Variants in PRKX observed in about 807,000 individuals in gnomAD.
The protein encoded by PRKX is protein kinase cAMP-dependent X-linked catalytic subunit.
A neutral mutation model predicts 22.0 loss-of-function variants in PRKX; 12 were observed. The observed-to-expected ratio is 0.54, with a 90% CI of 0.35 to 0.88. The LOEUF (loss-of-function observed/expected upper bound fraction) is 0.88, where lower values mean the gene tolerates loss of function less well. Ranked by LOEUF, PRKX falls within the 40% of genes least tolerant of loss-of-function variation. The pLI, the probability that PRKX is intolerant of heterozygous loss-of-function variation, is 0.01. For missense variants in PRKX, 217 were observed against 308.0 expected (o/e 0.70, Z 2.21); for synonymous variants, 134 against 137.7 (o/e 0.97, Z 0.19).
At chrX:3,699,225 C>T (rs1603474813) in intron 1 of PRKX, among the ~76,000 whole-genome samples, 3 of 109,074 alleles carry the variant, frequency 2.8e-5, no homozygotes, top group South Asian at 4.0e-4. Context: ...TTAGGAGAGA[C>T]GGGGTTTCAC....
intron 7 of PRKX, among the ~76,000 whole-genome samples, chrX:3,612,791 T>A (rs1007768847): frequency 1.8e-5 from 2 of 110,042 alleles, no homozygotes; most frequent in Admixed American, 2.0e-4. Context: ...TGTCTCAAAA[T>A]ATATATATAT....
At chrX:3,640,219 G>C (rs777049565) in intron 4 of PRKX, among the ~76,000 whole-genome samples, 1 of 109,818 alleles carries the variant, frequency 9.1e-6, no homozygotes, top group Admixed American at 9.8e-5. Context: ...AGGAGGCAGA[G>C]TGTCGGCTGT....
At chrX:3,609,705 CTCGGCCTCCCAAA>C (rs1180833702) in intron 8 of PRKX, among the ~76,000 whole-genome samples, 1 of 111,608 alleles carries the variant, frequency 9.0e-6, no homozygotes, top group Non-Finnish European at 1.9e-5. Flanking sequence ...AGCCTCCCAA[CTCGGCCTCCCAAA>C]GTGCCGGGAT....
intron 1 of PRKX, among the ~76,000 whole-genome samples, chrX:3,691,256 T>C (rs1304261132): frequency 1.8e-5 from 2 of 111,347 alleles, no homozygotes; most frequent in Non-Finnish European, 3.8e-5. Context: ...TTCTTGGGAA[T>C]ACATACTTTT....
At chrX:3,642,199 C>G (rs1054444932) in intron 3 of PRKX, among the ~76,000 whole-genome samples, 9 of 111,125 alleles carry the variant, frequency 8.1e-5, no homozygotes, top group African/African-American at 2.3e-4. Flanking sequence ...GTTTTATCAT[C>G]CTTGCTCCTG....
At chrX:3,673,613 C>T (rs1442860450) in intron 2 of PRKX, among the ~76,000 whole-genome samples, 1 of 110,478 alleles carries the variant, frequency 9.1e-6, no homozygotes, top group Non-Finnish European at 1.9e-5. Flanking sequence ...ACAGGAGAGG[C>T]ATGGTAGCAA....
rs374780885 is a variant in PRKX, at chrX:3,694,129, G to A, written c.166+18959C>T. ...CCAGTGAGCATGGTGGCTCACACCTGTAATCCCAGCACTTTGGGAGGCCAA... is the reference window on the plus strand; with the variant it reads ...CCAGTGAGCATGGTGGCTCACACCTATAATCCCAGCACTTTGGGAGGCCAA... On this transcript the variant is annotated intron_variant, in intron 1 of 8. Transcript: ENST00000262848. Among the ~76,000 whole-genome samples, 13 of 109,501 alleles carry A rather than the reference G, an allele frequency of 1.2e-4. No homozygotes were observed. In the East Asian group the frequency reaches 3.5e-3, roughly 29 times the overall value.
chrX:3,709,214 G>A (rs1212317817), intron 1 of PRKX, among the ~76,000 whole-genome samples: 5 of 106,195 alleles, frequency 4.7e-5, no homozygotes, highest in Middle Eastern at 4.4e-3. Flanking sequence ...GCTGAACGAG[G>A]TATGTGTTCT....
chrX:3,608,717 G>C lies in PRKX; in HGVS notation c.*252C>G, dbSNP rs1926235283. 1 of 110,689 alleles carries C rather than the reference G, an allele frequency of 9.0e-6. No individual in the cohort carries two copies. Among genetic ancestry groups the C allele is most frequent in the Non-Finnish European group, 1.9e-5 (1 of 52,928 alleles). The allele number at this position is 110,689 out of a possible 1,213,427, so 9.1% of individuals were successfully genotyped here. A position where few individuals can be genotyped will look rare whatever the true frequency, so the allele number is the denominator to read the frequency against. ...ATCACAGTAGGAACACAACACTAAA[G>C]GATAAGATAAAATCTACAACCAAAC... is the stretch of plus-strand genomic sequence containing the variant. On this transcript the variant is annotated 3_prime_UTR_variant, in exon 9 of 9. Coordinates refer to ENST00000262848, the MANE Select transcript of PRKX (RefSeq NM_005044.5).
chrX:3,642,434 A>G (rs1927099076), intron 3 of PRKX, among the ~76,000 whole-genome samples: 1 of 110,288 alleles, frequency 9.1e-6, no homozygotes, highest in Non-Finnish European at 1.9e-5. Context: ...GGGGACACAC[A>G]GACACAGAGA....
At chrX:3,643,190 A>ATT (rs1391725024) in intron 3 of PRKX, among the ~76,000 whole-genome samples, 1 of 91,791 alleles carries the variant, frequency 1.1e-5, no homozygotes, top group Non-Finnish European at 2.0e-5. Context: ...CCTGCATACC[A>ATT]TTTTCCTTTA....
chrX:3,660,708 C>A (rs763006881), intron 2 of PRKX, among the ~76,000 whole-genome samples: 1 of 111,636 alleles, frequency 9.0e-6, no homozygotes, highest in Admixed American at 9.6e-5. Context: ...AGGTTAGAAG[C>A]AAGGAATGAA....
At chrX:3,682,235 T>C (rs767905579) in intron 1 of PRKX, among the ~76,000 whole-genome samples, 2 of 110,801 alleles carry the variant, frequency 1.8e-5, no homozygotes, top group African/African-American at 6.6e-5. Context: ...CTGAGCCCAG[T>C]TCTTCCTCTG....
rs756651888 is a variant in PRKX, at chrX:3,655,321, G to A, written c.427C>T (p.Arg143Cys). 25 of 1,210,543 alleles carry A rather than the reference G, an allele frequency of 2.1e-5. No homozygotes were observed. In the South Asian group the frequency reaches 3.7e-4, roughly 18 times the overall value. Reference protein sequence around the residue: ...ELFSYLRNRGRFSSTTGLFYS... With the variant: ...ELFSYLRNRGCFSSTTGLFYS... ...AAGAGCCCCGTGGTGCTGGAGAAGC[G>A]CCCCCGGTTGCGCAGGTAGCTGAAG... The change falls in exon 3 of 9, where the codon CGC becomes TGC. Residue 143 changes from arginine to cysteine, a missense_variant. Coordinates refer to ENST00000262848, the MANE Select transcript of PRKX (RefSeq NM_005044.5).
chrX:3,708,181 C>T (rs1928720073), intron 1 of PRKX, among the ~76,000 whole-genome samples: 1 of 111,276 alleles, frequency 9.0e-6, no homozygotes, highest in South Asian at 3.8e-4. Flanking sequence ...CAGAGAGCTC[C>T]CTCACCCCTT....
intron 4 of PRKX, among the ~76,000 whole-genome samples, chrX:3,636,084 CATG>C (rs1412840978): frequency 8.9e-6 from 1 of 112,584 alleles, no homozygotes; most frequent in African/African-American, 3.2e-5. Context: ...AAATCTGCAT[CATG>C]ATATGATCTC....
Position 3,612,241 on chromosome X carries a change from G to A in PRKX, c.1036C>T (p.Pro346Ser). Residue 346 changes from proline (P) to serine (S), a missense_variant, in exon 8 of 9, where the codon CCC becomes TCC. By Grantham distance (74) the Pro-to-Ser change is moderately conservative (BLOSUM62 -1). Transcript: ENST00000262848. ...YPENDWDTAAPVPQKDLEIFK... is the reference protein window; with the variant it reads ...YPENDWDTAASVPQKDLEIFK... ...ATTTCTAAATCCTTCTGCGGCACGG[G>A]CGCGGCTGTGTCCCAGTCATTCTCA... is the stretch of plus-strand genomic sequence containing the variant. The A allele has an allele frequency of 8.3e-7, 1 of 1,210,345 alleles. No homozygotes were observed. The highest frequency in any genetic ancestry group is 1.1e-6 in the Non-Finnish European group (1 of 895,064).
intron 1 of PRKX, among the ~76,000 whole-genome samples, chrX:3,693,452 C>T (rs946744096): frequency 2.7e-5 from 3 of 110,847 alleles, no homozygotes; most frequent in East Asian, 2.9e-4. Context: ...TGAGTGCTGC[C>T]GACTTAGGCA....
rs1003938423 is a variant in PRKX, at chrX:3,607,672, T to G, written c.*1297A>C. On this transcript the variant is annotated 3_prime_UTR_variant, in exon 9 of 9. Transcript: ENST00000262848. ...TGTTCTGTTTCTGTAATTTCACTGT[T>G]TTAACATCTTTTTTTTTATATAGAG... 3 of 110,208 alleles carry G rather than the reference T, an allele frequency of 2.7e-5. No individual in the cohort carries two copies. The highest frequency in any genetic ancestry group is 1.0e-4 in the African/African-American group (3 of 30,091). 9.1% of individuals were successfully genotyped at this position (110,208 alleles called of 1,213,427 possible).
Sources: gnomAD v4.1 joint callset for allele counts (sites outside exome capture counted in the v4.1 genomes callset) on GRCh38, gnomAD v4.1.1 for gene constraint, MANE v1.5 for transcripts, NCBI Gene and HGNC (gene_info 2026-07-23, HGNC 2026-07-21) for gene names.